The following AGBL4 variants were observed in gnomAD, a reference collection of about 807,000 sequenced individuals.
AGBL4 encodes cytosolic carboxypeptidase 6.
A neutral mutation model predicts 66.4 loss-of-function variants in AGBL4; 58 were observed. That is an observed-to-expected ratio of 0.87 (90% CI 0.71 to 1.09). AGBL4 has a LOEUF of 1.09. AGBL4 is among the 50% of genes least tolerant of loss of function. The pLI is 0.00. For synonymous variants in AGBL4, 234 were observed against 222.9 expected (o/e 1.05, Z -0.44); for missense variants, 579 against 631.0 (o/e 0.92, Z 0.88).
At chr1:49,908,323 C>G (rs978348651) in intron 1 of AGBL4, among the ~76,000 whole-genome samples, 3 of 152,140 alleles carry the variant, frequency 2.0e-5, no homozygotes, top group African/African-American at 4.8e-5. Flanking sequence ...GTGACTGGAT[C>G]ATGGGGGAAG....
chr1:49,156,448 T>C (rs1001360675), intron 4 of AGBL4, among the ~76,000 whole-genome samples: 18 of 152,178 alleles, frequency 1.2e-4, no homozygotes, highest in Non-Finnish European at 2.4e-4. Context: ...GAATGAGGAA[T>C]CTGGGAGTAA....
intron 6 of AGBL4, among the ~76,000 whole-genome samples, chr1:48,726,213 TC>T (rs1409221135): frequency 6.6e-6 from 1 of 152,172 alleles, no homozygotes; most frequent in Non-Finnish European, 1.5e-5. Context: ...CCACAACTAT[TC>T]CCCCCTTAAC....
At chr1:49,562,264 T>C (rs974295258) in intron 3 of AGBL4, among the ~76,000 whole-genome samples, 2 of 152,188 alleles carry the variant, frequency 1.3e-5, no homozygotes, top group Non-Finnish European at 2.9e-5. Context: ...AGGTTGCCTG[T>C]TCACTCTGAT....
At chr1:48,848,178 C>G (rs954355929) in intron 6 of AGBL4, among the ~76,000 whole-genome samples, 2 of 152,222 alleles carry the variant, frequency 1.3e-5, no homozygotes, top group African/African-American at 2.4e-5. Flanking sequence ...TATCTTGTCC[C>G]TGCAGGCTAC....
At chr1:48,705,760 A>G (rs1372493261) in intron 6 of AGBL4, among the ~76,000 whole-genome samples, 7 of 152,256 alleles carry the variant, frequency 4.6e-5, no homozygotes, top group African/African-American at 1.4e-4. Flanking sequence ...AGAGGTGACA[A>G]TGTTAATCAC....
At chr1:49,730,408 C>T (rs1278569745) in intron 2 of AGBL4, among the ~76,000 whole-genome samples, 1 of 152,122 alleles carries the variant, frequency 6.6e-6, no homozygotes, top group Non-Finnish European at 1.5e-5. Context: ...GAGCTGCAAC[C>T]CTTCTGGGGG....
chr1:50,018,482 A>G (rs1419035389), intron 1 of AGBL4, among the ~76,000 whole-genome samples: 3 of 152,158 alleles, frequency 2.0e-5, no homozygotes, highest in Non-Finnish European at 4.4e-5. Context: ...TTAAATCTGT[A>G]TTAAAATTAA....
chr1:48,621,469 C>T (rs908567836), intron 9 of AGBL4, among the ~76,000 whole-genome samples: 2 of 152,014 alleles, frequency 1.3e-5, no homozygotes, highest in African/African-American at 4.8e-5. Flanking sequence ...TAATTTTTTT[C>T]TAGTTATAAA....
chr1:49,409,935 T>C (rs963936439), intron 3 of AGBL4, among the ~76,000 whole-genome samples: 9 of 152,184 alleles, frequency 5.9e-5, no homozygotes, highest in Admixed American at 4.6e-4. Flanking sequence ...GACAGAAGTA[T>C]GGACAGGAAG....
intron 6 of AGBL4, among the ~76,000 whole-genome samples, chr1:48,787,073 T>C (rs1229177396): frequency 1.3e-5 from 2 of 152,074 alleles, no homozygotes; most frequent in Non-Finnish European, 2.9e-5. Context: ...AAACAAGGCA[T>C]AGGGATGTTG....
At chr1:49,894,665 TAG>T (rs1022822921) in intron 1 of AGBL4, among the ~76,000 whole-genome samples, 1 of 151,874 alleles carries the variant, frequency 6.6e-6, no homozygotes, top group African/African-American at 2.4e-5. Context: ...CTTGATCAAG[TAG>T]AAGAAAGAAT....
At chr1:49,875,638 G>A (rs1010305316) in intron 1 of AGBL4, among the ~76,000 whole-genome samples, 3 of 148,836 alleles carry the variant, frequency 2.0e-5, no homozygotes, top group African/African-American at 5.0e-5. Flanking sequence ...TGTCTTTATA[G>A]CAGCATGATT....
rs963797474 is a variant in AGBL4, at chr1:48,860,400, G to A, written c.634+6791C>T. ...GTACAGAAATGCAAAAGGGTAAGTG[G>A]TTCTGGGGCTACTGGCTAGCTGAAA... On this transcript the variant is annotated intron_variant, in intron 6 of 13. Coordinates refer to ENST00000371839, the MANE Select transcript of AGBL4 (RefSeq NM_032785.4). Among the ~76,000 whole-genome samples, 20 of 152,304 alleles carry A rather than the reference G, an allele frequency of 1.3e-4. No homozygotes were observed. The East Asian group carries it at 3.7e-3, about 28-fold the overall frequency.
chr1:49,764,064 C>A lies in AGBL4; in HGVS notation c.158-66627G>T, dbSNP rs1418906910. Among the ~76,000 whole-genome samples, 3 of 152,158 alleles carry A rather than the reference C, an allele frequency of 2.0e-5. No homozygotes were observed. In the East Asian group the frequency reaches 5.8e-4, roughly 29 times the overall value. On this transcript the variant is annotated intron_variant, in intron 2 of 13. Coordinates refer to ENST00000371839, the MANE Select transcript of AGBL4 (RefSeq NM_032785.4). ...CAGCCATACTTCACGCTGCGCAACC[C>A]CCTACATCTGCTGCTCCTCACAGCA... is the stretch of plus-strand genomic sequence containing the variant.
intron 7 of AGBL4, among the ~76,000 whole-genome samples, chr1:48,658,494 A>C (rs1193024757): frequency 6.6e-6 from 1 of 152,190 alleles, no homozygotes; most frequent in Non-Finnish European, 1.5e-5. Flanking sequence ...AGCTGAGTCC[A>C]AGGGCCTCGA....
At chr1:48,676,496 C>T (rs189913802) in intron 6 of AGBL4, among the ~76,000 whole-genome samples, 1 of 152,356 alleles carries the variant, frequency 6.6e-6, no homozygotes, top group African/African-American at 2.4e-5. Flanking sequence ...CTCACAGGAA[C>T]GCCCTCAGGA....
At chr1:49,522,810 A>G (rs1650368825) in intron 3 of AGBL4, among the ~76,000 whole-genome samples, 1 of 152,106 alleles carries the variant, frequency 6.6e-6, no homozygotes, top group Non-Finnish European at 1.5e-5. Context: ...GAAGCACAGC[A>G]TGAGCACGGA....
intron 2 of AGBL4, among the ~76,000 whole-genome samples, chr1:49,836,785 G>A (rs917881385): frequency 1.3e-5 from 2 of 152,182 alleles, no homozygotes; most frequent in African/African-American, 4.8e-5. Context: ...TTTTGTTGAT[G>A]TTGATGCTAT....
At position 49,313,742 on chromosome 1, in the gene AGBL4, A is replaced by G. The variant is rs539314079; in HGVS notation, c.283-67878T>C. On this transcript the variant is annotated intron_variant, in intron 3 of 13. Coordinates refer to ENST00000371839, the MANE Select transcript of AGBL4 (RefSeq NM_032785.4). ...GGGTTATTTTTTTCTTGTAAATTTA[A>G]GTTCTTTGTAGATTCTAGATATTAG... Among the ~76,000 whole-genome samples, 16 of 152,012 alleles carry G rather than the reference A, an allele frequency of 1.1e-4. No individual in the cohort carries two copies. The East Asian group carries it at 3.1e-3, about 29-fold the overall frequency.
Sources: allele counts gnomAD v4.1 joint callset (sites outside exome capture counted in the v4.1 genomes callset), GRCh38; gene constraint gnomAD v4.1.1; transcripts MANE v1.5; gene names NCBI Gene and HGNC (gene_info 2026-07-23, HGNC 2026-07-21).